The following MTHFD1 variants were observed in gnomAD, a reference collection of about 807,000 sequenced individuals.
MTHFD1 encodes the protein methylenetetrahydrofolate dehydrogenase, cyclohydrolase and formyltetrahydrofolate synthetase 1, also known as C-1-tetrahydrofolate synthase, cytoplasmic.
In MTHFD1, 44 loss-of-function variants were observed where a neutral mutation model predicts 110.3. The ratio of observed to expected loss-of-function variants is 0.40; its 90% confidence interval spans 0.31 to 0.51. The LOEUF (loss-of-function observed/expected upper bound fraction) is 0.51. Ranked by LOEUF, MTHFD1 falls within the 20% of genes least tolerant of loss-of-function variation. The probability of loss-of-function intolerance (pLI) is 0.60; values close to 1 mark genes in which losing one functional copy is unlikely to be tolerated. For synonymous variants in MTHFD1, 402 were observed against 428.8 expected (o/e 0.94, Z 0.77); for missense variants, 909 against 1,173.1 (o/e 0.77, Z 3.29).
chr14:64,441,607 C>G (rs908815561), intron 19 of MTHFD1, 154 bp downstream of exon 19: 4 of 684,440 alleles, frequency 5.8e-6, no homozygotes, highest in Non-Finnish European at 1.1e-5. Context: ...GAGATCGAGA[C>G]CATCCTGGCT....
At chr14:64,397,166 T>A (rs1596530305) in intron 1 of MTHFD1, among the ~76,000 whole-genome samples, 1 of 17,684 alleles carries the variant, frequency 5.7e-5, no homozygotes, top group Non-Finnish European at 1.0e-4. Flanking sequence ...TATATATATA[T>A]ATATATATAT....
At chr14:64,457,050 G>C (rs959744079) in intron 26 of MTHFD1, among the ~76,000 whole-genome samples, 2 of 152,112 alleles carry the variant, frequency 1.3e-5, no homozygotes, top group African/African-American at 4.8e-5. Flanking sequence ...AAAGTAGTGA[G>C]TACAAATATA....
At chr14:64,438,174 T>C (rs2078221331) in intron 16 of MTHFD1, among the ~76,000 whole-genome samples, 1 of 152,152 alleles carries the variant, frequency 6.6e-6, no homozygotes, top group African/African-American at 2.4e-5. Context: ...GTGCCCGGCC[T>C]GTTCAAGAGT....
chr14:64,439,380 C>A, intron 17 of MTHFD1: 1 of 591,952 alleles, frequency 1.7e-6, no homozygotes, highest in Non-Finnish European at 3.0e-6. Context: ...TGTTTTTCCC[C>A]CGGCATTTTT....
At chr14:64,451,547 T>C (rs1207941844) in intron 24 of MTHFD1, among the ~76,000 whole-genome samples, 1 of 152,216 alleles carries the variant, frequency 6.6e-6, no homozygotes, top group Non-Finnish European at 1.5e-5. Flanking sequence ...TTTAGAAAAA[T>C]GCCATAAACA....
chr14:64,416,109 G>A (rs2078023867), intron 6 of MTHFD1, among the ~76,000 whole-genome samples: 1 of 152,124 alleles, frequency 6.6e-6, no homozygotes, highest in African/African-American at 2.4e-5. Context: ...TCCAGGCAGG[G>A]TGGCATGCAC....
rs2078244213 is a variant in MTHFD1, at chr14:64,441,192, A to C, written c.1816-193A>C. 8 of 604,588 alleles carry C rather than the reference A, an allele frequency of 1.3e-5. No homozygotes were observed. In the Admixed American group the frequency reaches 1.8e-4, roughly 14 times the overall value. 37.5% of individuals were successfully genotyped at this position (604,588 alleles called of 1,614,324 possible). ...GGGCAACACAGCCAGACTCCGTCTC[A>C]AAAAATAAATAATTTAATAATTGGC... On this transcript the variant is annotated intron_variant, in intron 18 of 27. Transcript: ENST00000652337.
intron 7 of MTHFD1, chr14:64,419,273 G>C: frequency 5.1e-6 from 1 of 196,104 alleles, no homozygotes; most frequent in Non-Finnish European, 1.1e-5. Flanking sequence ...GGTGGCCTCA[G>C]AGTGAAGGTG....
Position 64,427,415 on chromosome 14 carries a change from C to T in MTHFD1, c.1206C>T (p.Tyr402=). 6.2e-7 allele frequency: 1 copy of T among 1,614,152 alleles called. No homozygotes were observed. The highest frequency in any genetic ancestry group is 1.3e-5 in the African/African-American group (1 of 75,032). ...GLVQALGAHL[Y]QNVFACVRQP... is the part of the protein sequence containing the mutation. The stretch of plus-strand genomic sequence containing the variant: ...TGCAAGCCCTTGGTGCCCATCTCTA[C>T]CAGAATGTCTTTGCGTGTGTGCGAC... The change falls in exon 12 of 28, where the codon TAC becomes TAT. Residue 402 remains tyrosine, a synonymous_variant. Coordinates refer to ENST00000652337, the MANE Select transcript of MTHFD1 (RefSeq NM_005956.4).
At chr14:64,456,009 C>T (rs1173491854) in intron 26 of MTHFD1, among the ~76,000 whole-genome samples, 1 of 152,216 alleles carries the variant, frequency 6.6e-6, no homozygotes, top group Non-Finnish European at 1.5e-5. Context: ...TACCCAGCAC[C>T]TTGAATAGTG....
intron 27 of MTHFD1, among the ~76,000 whole-genome samples, 154 bp from the exon 28 acceptor site, chr14:64,459,605 T>C (rs1207775664): frequency 6.6e-6 from 1 of 152,204 alleles, no homozygotes; most frequent in East Asian, 1.9e-4. Flanking sequence ...TTCAAGTCCA[T>C]TTATGGACAC....
At chr14:64,404,294 C>A (rs2077921469) in intron 2 of MTHFD1, among the ~76,000 whole-genome samples, 1 of 152,148 alleles carries the variant, frequency 6.6e-6, no homozygotes, top group Non-Finnish European at 1.5e-5. Flanking sequence ...TGTTGTTGCT[C>A]ATCACCCTAA....
intron 11 of MTHFD1, among the ~76,000 whole-genome samples, chr14:64,427,007 A>C (rs770505572): frequency 6.6e-6 from 1 of 152,150 alleles, no homozygotes; most frequent in Non-Finnish European, 1.5e-5. Context: ...AAGACTTTTG[A>C]AAAAGATATC....
intron 6 of MTHFD1, among the ~76,000 whole-genome samples, chr14:64,416,710 A>T (rs900612833): frequency 1.3e-5 from 2 of 152,216 alleles, no homozygotes; most frequent in East Asian, 3.9e-4. Flanking sequence ...AAGCTTTGAC[A>T]GTTCATTTCT....
chr14:64,426,005 C>G lies in MTHFD1; in HGVS notation c.954-14C>G. On this transcript the variant is annotated splice_polypyrimidine_tract_variant and intron_variant, in intron 10 of 27. Coordinates refer to ENST00000652337, the MANE Select transcript of MTHFD1 (RefSeq NM_005956.4). ...GTGGATAAACATTAATACCTATTTT[C>G]TATGTTTCCAAAGTGACATTGATAT... 2.5e-6 allele frequency: 4 copies of G among 1,613,386 alleles called. No individual in the cohort carries two copies. The highest frequency in any genetic ancestry group is 3.4e-6 in the Non-Finnish European group (4 of 1,179,906).
intron 2 of MTHFD1, among the ~76,000 whole-genome samples, chr14:64,402,822 T>A (rs981961088): frequency 6.6e-6 from 1 of 151,096 alleles, no homozygotes; most frequent in Non-Finnish European, 1.5e-5. Context: ...AAAATAAAAA[T>A]AAAAATAAAA....
At chr14:64,423,050 A>T (rs1306766957) in intron 8 of MTHFD1, 1 of 152,168 alleles carries the variant, frequency 6.6e-6, no homozygotes, top group Non-Finnish European at 1.5e-5. Context: ...AGCTAACTAC[A>T]GTGTGAAGAC....
intron 17 of MTHFD1, 114 bp from the exon 18 acceptor site, chr14:64,440,012 C>A: frequency 2.3e-6 from 2 of 851,414 alleles, no homozygotes; most frequent in Non-Finnish European, 1.8e-6. Flanking sequence ...TTCTGTTATT[C>A]TATCCTTTTA....
chr14:64,438,639 A>C (rs1381924464), intron 16 of MTHFD1, among the ~76,000 whole-genome samples: 1 of 152,116 alleles, frequency 6.6e-6, no homozygotes, highest in Admixed American at 6.5e-5. Context: ...AAATTTCCAG[A>C]CCAGGCCTGG....
Sources: allele counts gnomAD v4.1 joint callset (sites outside exome capture counted in the v4.1 genomes callset), GRCh38; gene constraint gnomAD v4.1.1; transcripts MANE v1.5; gene names NCBI Gene and HGNC (gene_info 2026-07-23, HGNC 2026-07-21).